ZRANB3: variants seen among roughly 807,000 people sequenced by gnomAD.
ZRANB3 encodes the protein zinc finger RANBP2-type containing 3.
Under a neutral mutation model 133.8 loss-of-function variants are expected in ZRANB3, and 125 were observed. That is an observed-to-expected ratio of 0.93 (90% CI 0.81 to 1.08). ZRANB3 has a LOEUF of 1.08. ZRANB3 is among the 50% of genes least tolerant of loss of function. ZRANB3 has a pLI of 0.00. For synonymous variants in ZRANB3, 387 were observed against 432.7 expected (o/e 0.89, Z 1.31); for missense variants, 1,229 against 1,275.5 (o/e 0.96, Z 0.56).
At chr2:135,360,892 G>A (rs967206545) in intron 3 of ZRANB3, among the ~76,000 whole-genome samples, 1 of 151,844 alleles carries the variant, frequency 6.6e-6, no homozygotes, top group Non-Finnish European at 1.5e-5. Context: ...TCAGCCTCCT[G>A]AGTAGCTGAG....
chr2:135,329,951 T>C (rs539994739), intron 6 of ZRANB3, among the ~76,000 whole-genome samples: 6 of 152,214 alleles, frequency 3.9e-5, no homozygotes, highest in African/African-American at 1.4e-4. Flanking sequence ...AAGGAGATTT[T>C]GGGCTGAGAC....
chr2:135,489,702 A>C (rs1692290769), intron 2 of ZRANB3, among the ~76,000 whole-genome samples: 1 of 151,876 alleles, frequency 6.6e-6, no homozygotes, highest in Non-Finnish European at 1.5e-5. Context: ...AACAGGTACT[A>C]CTAAAATAGG....
chr2:135,356,769 G>A (rs141103123), intron 3 of ZRANB3, among the ~76,000 whole-genome samples: 6 of 152,092 alleles, frequency 3.9e-5, no homozygotes, highest in African/African-American at 1.2e-4. Flanking sequence ...GGGCAGTGGC[G>A]TAATCGTGGC....
At chr2:135,426,610 A>G (rs1470843814) in intron 2 of ZRANB3, among the ~76,000 whole-genome samples, 1 of 151,576 alleles carries the variant, frequency 6.6e-6, no homozygotes, top group African/African-American at 2.4e-5. Flanking sequence ...CGGGCGGATC[A>G]CGAGGTCAGG....
chr2:135,270,198 T>G (rs1680448548), intron 10 of ZRANB3, among the ~76,000 whole-genome samples: 1 of 152,104 alleles, frequency 6.6e-6, no homozygotes, highest in Non-Finnish European at 1.5e-5. Flanking sequence ...CACAGAATAT[T>G]AGAAATAATG....
intron 2 of ZRANB3, among the ~76,000 whole-genome samples, chr2:135,408,824 G>T (rs1688168493): frequency 1.3e-5 from 2 of 151,792 alleles, no homozygotes; most frequent in South Asian, 4.2e-4. Context: ...GGGGCCTGTT[G>T]TGGGGTCGGG....
chr2:135,232,832 C>A (rs1167133337), intron 12 of ZRANB3, among the ~76,000 whole-genome samples: 1 of 152,106 alleles, frequency 6.6e-6, no homozygotes. Context: ...GATAAAATCA[C>A]AAAGATGGGG....
intron 2 of ZRANB3, among the ~76,000 whole-genome samples, chr2:135,476,578 T>C (rs1446080534): frequency 6.6e-6 from 1 of 152,162 alleles, no homozygotes; most frequent in Admixed American, 6.5e-5. Flanking sequence ...AAGGCAGTAC[T>C]GTACTTTGTA....
intron 9 of ZRANB3, among the ~76,000 whole-genome samples, chr2:135,273,745 C>G (rs1311793475): frequency 6.6e-6 from 1 of 152,102 alleles, no homozygotes; most frequent in Admixed American, 6.6e-5. Flanking sequence ...CCATGTTGGT[C>G]AGGCTGGTCT....
At chr2:135,405,051 C>T (rs1181286751) in intron 2 of ZRANB3, among the ~76,000 whole-genome samples, 2 of 152,172 alleles carry the variant, frequency 1.3e-5, no homozygotes, top group African/African-American at 4.8e-5. Flanking sequence ...CAAGACCCAT[C>T]AGTGTGCTGT....
At chr2:135,352,096 C>T (rs1685233274) in intron 4 of ZRANB3, among the ~76,000 whole-genome samples, 3 of 152,078 alleles carry the variant, frequency 2.0e-5, no homozygotes, top group African/African-American at 7.2e-5. Flanking sequence ...CTTTGGGAGG[C>T]TGAGGTGGGT....
At chr2:135,208,842 ATATAC>A (rs757948735) in intron 18 of ZRANB3, 21 bp downstream of exon 18, 29 of 1,566,552 alleles carry the variant, frequency 1.9e-5, no homozygotes, top group Non-Finnish European at 2.6e-5. Context: ...TAGTACTACT[ATATAC>A]TAGTAGTAGA....
Position 135,334,725 on chromosome 2 carries a change from C to T in ZRANB3, c.677+10825G>A, listed in dbSNP as rs558886971. 8.6e-5 allele frequency among the ~76,000 whole-genome samples: 13 copies of T among 151,356 alleles called. No homozygotes were observed. The South Asian group carries it at 2.5e-3, about 29-fold the overall frequency. On this transcript the variant is annotated intron_variant, in intron 6 of 20. Coordinates refer to ENST00000264159, the MANE Select transcript of ZRANB3 (RefSeq NM_032143.4). ...CCTGGCTAACATGGTGAAACCCCGT[C>T]TCTACTAAAAATACAAAAATTTAGC...
At chr2:135,487,835 T>C (rs1456522068) in intron 2 of ZRANB3, among the ~76,000 whole-genome samples, 1 of 152,222 alleles carries the variant, frequency 6.6e-6, no homozygotes, top group Admixed American at 6.5e-5. Flanking sequence ...AATAAGACTG[T>C]TTTGCTTTCT....
chr2:135,479,554 T>C (rs1471738454), intron 2 of ZRANB3, among the ~76,000 whole-genome samples: 3 of 151,910 alleles, frequency 2.0e-5, no homozygotes, highest in Admixed American at 2.0e-4. Flanking sequence ...AGAATCAAGC[T>C]ACTTGGAAGG....
chr2:135,229,646 C>A (rs888464569), intron 13 of ZRANB3, among the ~76,000 whole-genome samples: 1 of 152,056 alleles, frequency 6.6e-6, no homozygotes, highest in African/African-American at 2.4e-5. Context: ...GGATTACAGG[C>A]GTGAGCCACC....
chr2:135,307,662 A>G (rs1319163570), intron 8 of ZRANB3, among the ~76,000 whole-genome samples: 1 of 151,754 alleles, frequency 6.6e-6, no homozygotes, highest in African/African-American at 2.4e-5. Context: ...TTATTTTGCA[A>G]TTTCTATTGA....
At chr2:135,462,976 T>C (rs894948806) in intron 2 of ZRANB3, among the ~76,000 whole-genome samples, 1 of 152,196 alleles carries the variant, frequency 6.6e-6, no homozygotes, top group Admixed American at 6.5e-5. Flanking sequence ...CTAATTGAAA[T>C]GTCATGTGAA....
chr2:135,205,350 G>C (rs1693814772), intron 19 of ZRANB3, among the ~76,000 whole-genome samples: 1 of 152,094 alleles, frequency 6.6e-6, no homozygotes, highest in Non-Finnish European at 1.5e-5. Context: ...GCTCACTGCA[G>C]CCTTGACCTT....
Sources: gnomAD v4.1 joint callset for allele counts (sites outside exome capture counted in the v4.1 genomes callset) on GRCh38, gnomAD v4.1.1 for gene constraint, MANE v1.5 for transcripts, NCBI Gene and HGNC (gene_info 2026-07-23, HGNC 2026-07-21) for gene names.